The following EBP variants were observed in gnomAD, a reference collection of about 807,000 sequenced individuals.
EBP encodes EBP cholestenol delta-isomerase, also known as 3-beta-hydroxysteroid-Delta(8),Delta(7)-isomerase.
A neutral mutation model predicts 14.1 loss-of-function variants in EBP; 1 was observed. That is an observed-to-expected ratio of 0.07 (90% CI 0.03 to 0.34). EBP has a LOEUF of 0.34. EBP is among the 10% of genes least tolerant of loss of function. EBP has a pLI of 0.99. For synonymous variants in EBP, 72 were observed against 77.7 expected (o/e 0.93, Z 0.38); for missense variants, 123 against 184.6 (o/e 0.67, Z 1.93).
chrX:48,527,126 C>T (rs1556977563), intron 3 of EBP, 29 bp from the exon 4 acceptor site: 2 of 1,211,629 alleles, frequency 1.7e-6, no homozygotes, highest in Non-Finnish European at 2.2e-6. Context: ...CACACCGATA[C>T]CAGTGTCCCC....
chrX:48,526,689 TTCTC>T (rs1200443435), intron 2 of EBP, among the ~76,000 whole-genome samples: 4 of 111,551 alleles, frequency 3.6e-5, no homozygotes. Flanking sequence ...TTCACCTACA[TTCTC>T]TCTCTCTCAT....
In EBP at chrX:48,528,674, G is replaced by C. The variant is rs914382581; in HGVS notation, c.*217G>C. The C allele has an allele frequency of 1.1e-5, 5 of 436,625 alleles. No homozygotes were observed. The highest frequency in any genetic ancestry group is 2.0e-5 in the Non-Finnish European group (5 of 251,660). The allele number at this position is 436,625 out of a possible 1,213,427, so 36.0% of individuals were successfully genotyped here. ...AAGAGAAGCCAGGAGGTCTATGATGGTGACGATTTTTAAAATCAGGAAATA... is the reference window on the plus strand; with the variant it reads ...AAGAGAAGCCAGGAGGTCTATGATGCTGACGATTTTTAAAATCAGGAAATA... On this transcript the variant is annotated 3_prime_UTR_variant, in exon 5 of 5. Coordinates refer to ENST00000495186, the MANE Select transcript of EBP (RefSeq NM_006579.3).
intron 1 of EBP, among the ~76,000 whole-genome samples, chrX:48,523,056 C>T (rs1245838120): frequency 9.0e-6 from 1 of 111,445 alleles, no homozygotes; most frequent in Non-Finnish European, 1.9e-5. Context: ...GGGCTCAAAG[C>T]GATCCTCCTG....
Position 48,523,711 on chromosome X carries a change from C to CTTTTTTTT in EBP, c.-50_-43dup, listed in dbSNP as rs782299900. On this transcript the variant is annotated 5_prime_UTR_variant, in exon 2 of 5. Coordinates refer to ENST00000495186, the MANE Select transcript of EBP (RefSeq NM_006579.3). Reference sequence around the variant, plus strand: ...TCTATTTGTCCAGGTTTTTCTGTTCCTTTTTTTTTTTTTTTTTTAACTTCC... The same window carrying CTTTTTTTT: ...TCTATTTGTCCAGGTTTTTCTGTTCCTTTTTTTTTTTTTTTTTTTTTTTTTTAACTTCC... The CTTTTTTTT allele has an allele frequency of 3.5e-6, 3 of 860,365 alleles. No homozygotes were observed. Among genetic ancestry groups the CTTTTTTTT allele is most frequent in the South Asian group, 2.5e-5 (1 of 40,681 alleles). The allele number at this position is 860,365 out of a possible 1,213,427, so 70.9% of individuals were successfully genotyped here.
intron 1 of EBP, among the ~76,000 whole-genome samples, chrX:48,523,419 T>G (rs2147154164): frequency 9.1e-6 from 1 of 110,024 alleles, no homozygotes; most frequent in South Asian, 3.9e-4. Context: ...CTGGGCGTGG[T>G]GGCAGGCACC....
chrX:48,526,787 T>A (rs966178265), intron 2 of EBP: 23 of 476,360 alleles, frequency 4.8e-5, no homozygotes, highest in Non-Finnish European at 8.5e-5. Context: ...AGCCACACTG[T>A]TTTGTGTCAG....
chrX:48,527,560 C>A, intron 4 of EBP: 1 of 393,787 alleles, frequency 2.5e-6, no homozygotes, highest in Non-Finnish European at 4.5e-6. Context: ...GGCAAGAAGC[C>A]CCTGGAACCT....
At chrX:48,524,117 G>A (rs1447937130) in intron 2 of EBP, 45 bp downstream of exon 2, 6 of 1,125,909 alleles carry the variant, frequency 5.3e-6, no homozygotes, top group Admixed American at 4.6e-5. Flanking sequence ...GGATTTGCTG[G>A]GCAGGGATCG....
At position 48,527,157 on chromosome X, in the gene EBP, G is replaced by T. The variant is rs148792902; in HGVS notation, c.341G>T (p.Gly114Val). 2.3e-4 allele frequency: 275 copies of T among 1,210,141 alleles called. No homozygotes were observed. The highest frequency in any genetic ancestry group is 2.7e-4 in the Non-Finnish European group (244 of 895,287). Residue 114 changes from glycine (G) to valine (V), a missense_variant and splice_region_variant, in exon 4 of 5, where the codon GGT becomes GTT. Gly to Val is a moderately radical substitution (Grantham distance 109). Coordinates refer to ENST00000495186, the MANE Select transcript of EBP (RefSeq NM_006579.3). ...TCCCCTCATGCTTTCTCCTGCAGGG[G>T]TGACAACTTCACAGTGTGCATGGAA... ...YAKGDSRYIL[G>V]DNFTVCMETI...
rs2061772004 is a variant in EBP, at chrX:48,524,050, C to T, written c.279C>T (p.Asp93=). 8.3e-7 allele frequency: 1 copy of T among 1,209,745 alleles called. No individual in the cohort carries two copies. The highest frequency in any genetic ancestry group is 1.1e-6 in the Non-Finnish European group (1 of 895,104). Residue 93 remains aspartate (D), a synonymous_variant, in exon 2 of 5, where the codon GAC becomes GAT. Transcript: ENST00000495186. ...TCTACTACGAAGACCTGCTTGGAGA[C>T]CAAGCCTTCTTATCTCAACTCTGTG... is the stretch of plus-strand genomic sequence containing the variant. ...FVLYYEDLLG[D]QAFLSQLWKE...
intron 2 of EBP, among the ~76,000 whole-genome samples, chrX:48,525,942 C>T (rs1424497040): frequency 9.2e-6 from 1 of 108,645 alleles, no homozygotes; most frequent in Admixed American, 1.0e-4. Flanking sequence ...TAAAAATTAG[C>T]TGGGCGTGGT....
intron 1 of EBP, chrX:48,522,197 A>T (rs1158311369): frequency 8.9e-6 from 1 of 112,826 alleles, no homozygotes; most frequent in Non-Finnish European, 1.9e-5. Context: ...CTGCAGGTTG[A>T]CGGCGTTGCA....
At chrX:48,526,883 A>G in intron 2 of EBP, 106 bp from the exon 3 acceptor site, 2 of 907,113 alleles carry the variant, frequency 2.2e-6, no homozygotes, top group Non-Finnish European at 3.2e-6. Flanking sequence ...AAGCAGACGC[A>G]TGGGAAGGTT....
At chrX:48,524,134 A>C in intron 2 of EBP, 62 bp downstream of exon 2, 2 of 1,016,979 alleles carry the variant, frequency 2.0e-6, no homozygotes, top group Non-Finnish European at 1.4e-6. Context: ...ATCGGCTTGC[A>C]TGTTTACCTA....
In EBP at chrX:48,528,294, G is replaced by C; in HGVS notation, c.530G>C (p.Gly177Ala). Reference sequence around the variant, plus strand: ...GAGCACCGCGACGGATTCCAGCACGGAGAGCTGGGCCACCCTCTCTACTTC... The same window carrying C: ...GAGCACCGCGACGGATTCCAGCACGCAGAGCTGGGCCACCCTCTCTACTTC... The part of the protein sequence containing the change: ...LTEHRDGFQH[G>A]ELGHPLYFWF... Residue 177 changes from glycine (G) to alanine (A), a missense_variant, in exon 5 of 5, where the codon GGA (glycine) becomes GCA (alanine). Transcript: ENST00000495186. 1 of 1,211,619 alleles carries C rather than the reference G, an allele frequency of 8.3e-7. No individual in the cohort carries two copies. The highest frequency in any genetic ancestry group is 1.1e-6 in the Non-Finnish European group (1 of 895,441).
rs1424955502 is a variant in EBP at position 48,523,566 on chromosome X, A to G, written c.-73-133A>G. 44 of 455,311 alleles carry G rather than the reference A, an allele frequency of 9.7e-5. No individual in the cohort carries two copies. The Admixed American group carries it at 1.5e-3, about 16-fold the overall frequency. 37.5% of individuals were successfully genotyped at this position (455,311 alleles called of 1,213,427 possible). ...AAGACTCCGTCTGAAAAAAAAAAAA[A>G]AAAACGGAATGTAATTAGAAGTGTT... On this transcript the variant is annotated intron_variant, in intron 1 of 4. Transcript: ENST00000495186.
intron 4 of EBP, chrX:48,527,724 G>A: frequency 5.4e-6 from 1 of 183,702 alleles, no homozygotes. Flanking sequence ...TCCTGCCTCA[G>A]TCTCCTGAGT....
chrX:48,522,737 A>AT (rs1278638771), intron 1 of EBP, among the ~76,000 whole-genome samples: 1 of 111,127 alleles, frequency 9.0e-6, no homozygotes, highest in Non-Finnish European at 1.9e-5. Context: ...CAGTGGCATG[A>AT]CCCCGGCTCA....
chrX:48,522,809 A>T (rs895087709), intron 1 of EBP, among the ~76,000 whole-genome samples: 10 of 111,806 alleles, frequency 8.9e-5, no homozygotes, highest in Non-Finnish European at 9.4e-5. Flanking sequence ...AGTAGCTGTA[A>T]CTACAGGCGC....
Sources: gnomAD v4.1 joint callset for allele counts (sites outside exome capture counted in the v4.1 genomes callset) on GRCh38, gnomAD v4.1.1 for gene constraint, MANE v1.5 for transcripts, NCBI Gene and HGNC (gene_info 2026-07-23, HGNC 2026-07-21) for gene names.